Variants in SYTL3 observed in about 807,000 individuals in gnomAD.
SYTL3 encodes the protein synaptotagmin like 3.
SYTL3 carries 88 observed loss-of-function variants against 82.1 expected under a neutral mutation model. The observed-to-expected ratio is 1.07, with a 90% CI of 0.90 to 1.28. The LOEUF (loss-of-function observed/expected upper bound fraction) is 1.28, where lower values mean the gene tolerates loss of function less well. Ranked by LOEUF, SYTL3 falls within the 50% of genes most tolerant of loss-of-function variation. The pLI, the probability that SYTL3 is intolerant of heterozygous loss-of-function variation, is 0.00. For synonymous variants in SYTL3, 311 were observed against 289.4 expected, an observed-to-expected ratio of 1.07 and a Z score of -0.76; for missense variants, 831 against 757.6, an observed-to-expected ratio of 1.10 and a Z score of -1.14.
chr6:158,713,646 C>T (rs1322988652), intron 8 of SYTL3, among the ~76,000 whole-genome samples, 154 bp from the exon 9 acceptor site: 2 of 152,162 alleles, frequency 1.3e-5, no homozygotes, highest in Non-Finnish European at 2.9e-5. Context: ...CCTGCATGCA[C>T]ACACCCATGC....
At chr6:158,686,853 G>A (rs1031481141) in intron 6 of SYTL3, among the ~76,000 whole-genome samples, 3 of 152,314 alleles carry the variant, frequency 2.0e-5, no homozygotes, top group East Asian at 3.9e-4. Flanking sequence ...CGGAAGGAAG[G>A]CATGAGCCCC....
At chr6:158,665,845 C>T (rs774535399) in intron 5 of SYTL3, among the ~76,000 whole-genome samples, 2 of 152,128 alleles carry the variant, frequency 1.3e-5, no homozygotes, top group Non-Finnish European at 2.9e-5. Flanking sequence ...TGTGGTGGCT[C>T]ATGACCGTAA....
Position 158,745,461 on chromosome 6 carries a change from C to T in SYTL3, c.856-19C>T, listed in dbSNP as rs1387922242. On this transcript the variant is annotated intron_variant, in intron 11 of 17. Coordinates refer to ENST00000611299, the MANE Select transcript of SYTL3 (RefSeq NM_001242394.2). ...AATTAACTGAAGTAACTTATTATAT[C>T]TGTTATTCTTGATTTCAGGGAAGTT... 6.3e-7 allele frequency: 1 copy of T among 1,597,584 alleles called. No individual in the cohort carries two copies. The highest frequency in any genetic ancestry group is 8.5e-7 in the Non-Finnish European group (1 of 1,173,704).
rs777266316 is a variant in SYTL3, at chr6:158,708,399, A to G, written c.516+8A>G. The G allele has an allele frequency of 1.1e-5, 17 of 1,613,508 alleles. No homozygotes were observed. The highest frequency in any genetic ancestry group is 1.3e-5 in the African/African-American group (1 of 74,882). ...AGCCGCAGTCCTGGCAGGGTAACGT[A>G]TCCATTCTGGGCACTTCTCTAGTAG... On this transcript the variant is annotated splice_region_variant and intron_variant, in intron 8 of 17. Transcript: ENST00000611299.
chr6:158,708,301 T>C lies in SYTL3; in HGVS notation c.447-21T>C, dbSNP rs764233688. 89 of 1,604,696 alleles carry C rather than the reference T, an allele frequency of 5.5e-5. 1 individual carries two copies. In the South Asian group the frequency reaches 9.8e-4, roughly 18 times the overall value. ...TGCATGGTTCACAACCCATTTCTTA[T>C]GCCTGTGTTTTCCTTGGCAGCAAAA... On this transcript the variant is annotated intron_variant, in intron 7 of 17. Transcript: ENST00000611299.
At chr6:158,677,086 G>A (rs921089898) in intron 5 of SYTL3, among the ~76,000 whole-genome samples, 5 of 152,146 alleles carry the variant, frequency 3.3e-5, no homozygotes, top group African/African-American at 1.2e-4. Context: ...AAATCATGCT[G>A]CTATAAAGAC....
intron 5 of SYTL3, among the ~76,000 whole-genome samples, chr6:158,678,437 A>T (rs1030305856): frequency 1.3e-5 from 2 of 152,206 alleles, no homozygotes; most frequent in Non-Finnish European, 2.9e-5. Context: ...AGATGCAAGC[A>T]ATTTAGATGC....
At chr6:158,684,265 G>A (rs972790176) in intron 6 of SYTL3, among the ~76,000 whole-genome samples, 5 of 152,150 alleles carry the variant, frequency 3.3e-5, no homozygotes, top group African/African-American at 9.7e-5. Flanking sequence ...AGCCCAAGTT[G>A]GGGGACGTGA....
At chr6:158,669,273 A>G (rs1777099031) in intron 5 of SYTL3, among the ~76,000 whole-genome samples, 1 of 152,230 alleles carries the variant, frequency 6.6e-6, no homozygotes, top group African/African-American at 2.4e-5. Context: ...TCTAAAAGAA[A>G]CCTGGTCTTC....
intron 11 of SYTL3, among the ~76,000 whole-genome samples, chr6:158,732,591 G>A (rs191927059): frequency 3.3e-5 from 5 of 152,300 alleles, no homozygotes; most frequent in Non-Finnish European, 7.3e-5. Flanking sequence ...TTCCTAAAGT[G>A]CAGTACCCTG....
intron 5 of SYTL3, among the ~76,000 whole-genome samples, chr6:158,675,004 A>C (rs112830380): frequency 4.0e-5 from 6 of 151,850 alleles, no homozygotes; most frequent in African/African-American, 1.2e-4. Context: ...CTCTATGTAC[A>C]TATGTAGAAA....
At chr6:158,724,534 T>G (rs971236329) in intron 10 of SYTL3, among the ~76,000 whole-genome samples, 1 of 152,198 alleles carries the variant, frequency 6.6e-6, no homozygotes, top group African/African-American at 2.4e-5. Context: ...ATGGAACTTT[T>G]CTGCAGGGAT....
intron 6 of SYTL3, among the ~76,000 whole-genome samples, chr6:158,702,778 TGTG>T: frequency 6.6e-6 from 1 of 152,158 alleles, no homozygotes; most frequent in African/African-American, 2.4e-5. Context: ...TTAGGCAAGT[TGTG>T]GTACAAAATC....
chr6:158,662,594 T>C (rs901479972), intron 3 of SYTL3, among the ~76,000 whole-genome samples, 156 bp from the exon 4 acceptor site: 1 of 152,210 alleles, frequency 6.6e-6, no homozygotes, highest in African/African-American at 2.4e-5. Context: ...TTTAGAAATA[T>C]GAGAAGTGTT....
chr6:158,726,237 C>T, intron 11 of SYTL3: 1 of 436,646 alleles, frequency 2.3e-6, no homozygotes, highest in South Asian at 2.0e-5. Context: ...AGAGGCCTGT[C>T]CAAAGACAAA....
chr6:158,749,507 C>CTTTTTTT lies in SYTL3; in HGVS notation c.1035-2402_1035-2396dup, dbSNP rs765386344. Among the ~76,000 whole-genome samples the CTTTTTTT allele has an allele frequency of 4.3e-3, 283 of 66,014 alleles. 11 individuals carry two copies. Among genetic ancestry groups the CTTTTTTT allele is most frequent in the African/African-American group, 0.011 (169 of 15,600 alleles). 43.3% of individuals were successfully genotyped at this position (66,014 alleles called of 152,430 possible). ...AATGAACACCTTCTTTTCTTTCTCT[C>CTTTTTTT]TTTTTTTTTTTTTTTTTTTTTTTTT... On this transcript the variant is annotated intron_variant, in intron 12 of 17. Transcript: ENST00000611299.
At chr6:158,725,994 C>T in intron 11 of SYTL3, 1 of 662,452 alleles carries the variant, frequency 1.5e-6, no homozygotes, top group Non-Finnish European at 2.9e-6. Context: ...CTGCGTTAGG[C>T]ATGCAAGCCA....
intron 5 of SYTL3, among the ~76,000 whole-genome samples, chr6:158,681,390 G>A (rs1239169530): frequency 6.6e-6 from 1 of 152,134 alleles, no homozygotes; most frequent in African/African-American, 2.4e-5. Flanking sequence ...GTAGGGAGCT[G>A]CTGTCAGACC....
At chr6:158,760,793 G>GA in intron 15 of SYTL3, 48 bp downstream of exon 15, 2 of 1,482,720 alleles carry the variant, frequency 1.3e-6, no homozygotes, top group Non-Finnish European at 1.9e-6. Context: ...ATTGTCTGCA[G>GA]AGCCTGGTGC....
Sources: gnomAD v4.1 joint callset for allele counts (sites outside exome capture counted in the v4.1 genomes callset) on GRCh38, gnomAD v4.1.1 for gene constraint, MANE v1.5 for transcripts, NCBI Gene and HGNC (gene_info 2026-07-23, HGNC 2026-07-21) for gene names.